PLGRKT: variants seen among roughly 807,000 people sequenced by gnomAD.
PLGRKT encodes plasminogen receptor (KT).
PLGRKT carries 22 observed loss-of-function variants against 18.5 expected under a neutral mutation model. That is an observed-to-expected ratio of 1.19 (90% CI 0.85 to 1.70). The LOEUF (loss-of-function observed/expected upper bound fraction) is 1.70. Ranked by LOEUF, PLGRKT falls within the 40% of genes most tolerant of loss-of-function variation. The pLI is 0.00. For missense variants in PLGRKT, 235 were observed against 174.4 expected, an observed-to-expected ratio of 1.35 and a Z score of -1.96; for synonymous variants, 72 against 52.8, an observed-to-expected ratio of 1.36 and a Z score of -1.58.
rs190153497 is a variant in PLGRKT, at chr9:5,422,055, C to G, written c.81+9842G>C. Among the ~76,000 whole-genome samples the G allele has an allele frequency of 1.5e-4, 23 of 152,204 alleles. 1 individual carries two copies. Among genetic ancestry groups the G allele is most frequent in the Admixed American group, 1.0e-3 (16 of 15,282 alleles). The stretch of plus-strand genomic sequence containing the variant: ...TTTGTTTCCTGTACAAACTATATTC[C>G]AGGATAACCAGGTAGTAAAAGTTCT... On this transcript the variant is annotated intron_variant, in intron 3 of 5. Transcript: ENST00000223864.
At position 5,401,947 on chromosome 9, in the gene PLGRKT, T is replaced by A. The variant is rs541831497; in HGVS notation, c.81+29950A>T. 3.6e-4 allele frequency among the ~76,000 whole-genome samples: 55 copies of A among 151,868 alleles called. 3 individuals are homozygous for A. The highest frequency in any genetic ancestry group is 1.3e-3 in the African/African-American group (52 of 41,160). ...TGGTCAACAGACACTTGTCTCATGTTTAGTGTGGATTTTTTTTTTCTAATT... is the reference window on the plus strand; with the variant it reads ...TGGTCAACAGACACTTGTCTCATGTATAGTGTGGATTTTTTTTTTCTAATT... On this transcript the variant is annotated intron_variant, in intron 3 of 5. Transcript: ENST00000223864.
At chr9:5,396,447 G>A (rs1387137318) in intron 3 of PLGRKT, among the ~76,000 whole-genome samples, 3 of 150,504 alleles carry the variant, frequency 2.0e-5, no homozygotes, top group African/African-American at 4.9e-5. Flanking sequence ...CACCACACAT[G>A]GCTAATTTTT....
chr9:5,361,240 A>C lies in PLGRKT; in HGVS notation c.213-53T>G, dbSNP rs947548683. On this transcript the variant is annotated intron_variant, in intron 4 of 5. Transcript: ENST00000223864. ...ATATCAAAAAATAACCTGTAAATAC[A>C]TATCTGTATACTTAAAGAAAAAAAA... 6 of 983,718 alleles carry C rather than the reference A, an allele frequency of 6.1e-6. No individual in the cohort carries two copies. The South Asian group carries it at 7.0e-5, about 11-fold the overall frequency. 60.9% of individuals were successfully genotyped at this position (983,718 alleles called of 1,614,324 possible).
At chr9:5,362,938 A>C (rs1018877926) in intron 3 of PLGRKT, among the ~76,000 whole-genome samples, 1 of 152,066 alleles carries the variant, frequency 6.6e-6, no homozygotes, top group Non-Finnish European at 1.5e-5. Flanking sequence ...GCACAGCAGA[A>C]ATGGTTTCAG....
At chr9:5,389,105 G>C (rs1817898579) in intron 3 of PLGRKT, among the ~76,000 whole-genome samples, 1 of 151,904 alleles carries the variant, frequency 6.6e-6, no homozygotes, top group African/African-American at 2.4e-5. Context: ...GATATTTGGA[G>C]GAGGGCCCAA....
chr9:5,421,454 G>C (rs893899974), intron 3 of PLGRKT, among the ~76,000 whole-genome samples: 1 of 152,186 alleles, frequency 6.6e-6, no homozygotes, highest in Non-Finnish European at 1.5e-5. Context: ...CTCTGTGTTT[G>C]TTGGTTTGTT....
intron 3 of PLGRKT, among the ~76,000 whole-genome samples, chr9:5,406,468 A>T (rs1818259008): frequency 6.6e-6 from 1 of 152,210 alleles, no homozygotes; most frequent in Non-Finnish European, 1.5e-5. Flanking sequence ...AGGGCAATGG[A>T]TGAAGCTGGA....
intron 3 of PLGRKT, among the ~76,000 whole-genome samples, chr9:5,399,081 C>A (rs1213672094): frequency 4.0e-5 from 6 of 151,580 alleles, no homozygotes; most frequent in African/African-American, 1.5e-4. Flanking sequence ...CGCCTTCCCA[C>A]AATTCATCTC....
chr9:5,435,418 C>A (rs1192418827), intron 2 of PLGRKT, among the ~76,000 whole-genome samples: 1 of 152,084 alleles, frequency 6.6e-6, no homozygotes, highest in Non-Finnish European at 1.5e-5. Flanking sequence ...CCCTCTCCTA[C>A]ATGCCCCTTA....
chr9:5,370,489 C>A (rs749094715), intron 3 of PLGRKT, among the ~76,000 whole-genome samples: 23 of 152,152 alleles, frequency 1.5e-4, no homozygotes, highest in Admixed American at 6.5e-5. Flanking sequence ...AATAATTAGG[C>A]CAACTCTGAG....
chr9:5,433,811 AG>A (rs1818889827), intron 2 of PLGRKT, among the ~76,000 whole-genome samples: 1 of 100,072 alleles, frequency 1.0e-5, no homozygotes, highest in Non-Finnish European at 2.0e-5. Context: ...CCGTCTGGGA[AG>A]TGAGGAGCGT....
At chr9:5,389,269 G>C (rs1817902263) in intron 3 of PLGRKT, among the ~76,000 whole-genome samples, 1 of 151,918 alleles carries the variant, frequency 6.6e-6, no homozygotes. Context: ...GGGATGCTTG[G>C]TCATTTCTGT....
intron 3 of PLGRKT, among the ~76,000 whole-genome samples, chr9:5,366,368 G>T (rs7024755): frequency 6.6e-6 from 1 of 152,002 alleles, no homozygotes; most frequent in South Asian, 2.1e-4. Flanking sequence ...ATTCTTTATC[G>T]TATTTTAAAA....
chr9:5,427,889 G>A (rs1215689688), intron 3 of PLGRKT, among the ~76,000 whole-genome samples: 1 of 152,200 alleles, frequency 6.6e-6, no homozygotes, highest in Non-Finnish European at 1.5e-5. Context: ...AGATGGTGGT[G>A]AGGATGGGAA....
At chr9:5,437,353 C>G (rs538470603) in intron 1 of PLGRKT, among the ~76,000 whole-genome samples, 1 of 152,352 alleles carries the variant, frequency 6.6e-6, no homozygotes, top group African/African-American at 2.4e-5. Flanking sequence ...GATCGTCTCA[C>G]CACAGTCATT....
At chr9:5,411,307 C>T (rs189038113) in intron 3 of PLGRKT, among the ~76,000 whole-genome samples, 2 of 151,432 alleles carry the variant, frequency 1.3e-5, no homozygotes, top group East Asian at 3.9e-4. Context: ...ATCACTTGAA[C>T]CTGGGAGGCA....
intron 3 of PLGRKT, among the ~76,000 whole-genome samples, chr9:5,429,964 T>C (rs1291008767): frequency 6.6e-6 from 1 of 151,324 alleles, no homozygotes; most frequent in South Asian, 2.1e-4. Flanking sequence ...CCTCTCCCCC[T>C]GCCACAACCC....
intron 3 of PLGRKT, among the ~76,000 whole-genome samples, chr9:5,411,331 G>A (rs1818360507): frequency 6.7e-6 from 1 of 149,606 alleles, no homozygotes; most frequent in South Asian, 2.1e-4. Context: ...GTTGCAGCGA[G>A]CCAAGGTTAT....
Position 5,372,188 on chromosome 9 carries a change from C to T in PLGRKT, c.82-10300G>A, listed in dbSNP as rs143874400. On this transcript the variant is annotated intron_variant, in intron 3 of 5. Transcript: ENST00000223864. Reference sequence around the variant, plus strand: ...TAGAGATGGGGTTTCACCATGTTGGCCAGGATAGTCTCGATCTCTTGACCT... The same window carrying T: ...TAGAGATGGGGTTTCACCATGTTGGTCAGGATAGTCTCGATCTCTTGACCT... Among the ~76,000 whole-genome samples the T allele has an allele frequency of 5.5e-3, 828 of 151,820 alleles. 10 individuals carry two copies. Among genetic ancestry groups the T allele is most frequent in the African/African-American group, 0.019 (780 of 41,370 alleles).
Sources: gnomAD v4.1 joint callset for allele counts (sites outside exome capture counted in the v4.1 genomes callset) on GRCh38, gnomAD v4.1.1 for gene constraint, MANE v1.5 for transcripts, NCBI Gene and HGNC (gene_info 2026-07-23, HGNC 2026-07-21) for gene names.